The following RSRP1 variants were observed in gnomAD, a reference collection of about 807,000 sequenced individuals.
RSRP1 encodes arginine and serine rich protein 1.
RSRP1 carries 37 observed loss-of-function variants against 33.0 expected under a neutral mutation model. The observed-to-expected ratio is 1.12, with a 90% confidence interval of 0.86 to 1.48. RSRP1 has a LOEUF of 1.48. Ranked by LOEUF, RSRP1 falls within the 40% of genes most tolerant of loss-of-function variation. The pLI, the probability that RSRP1 is intolerant of heterozygous loss-of-function variation, is 0.00. For missense variants in RSRP1, 402 were observed against 385.3 expected (o/e 1.04, Z -0.36); for synonymous variants, 167 against 158.7 (o/e 1.05, Z -0.40).
intron 1 of RSRP1, among the ~76,000 whole-genome samples, chr1:25,268,452 G>A (rs1320093254): frequency 1.5e-5 from 2 of 131,030 alleles, no homozygotes; most frequent in Non-Finnish European, 3.6e-5. Context: ...CTAAAAGGCA[G>A]AAGTTGCAAT....
At chr1:25,337,359 G>A (rs1396318659) in intron 1 of RSRP1, 1 of 151,132 alleles carries the variant, frequency 6.6e-6, no homozygotes. Context: ...CTCCCTCTCC[G>A]GGGCTGGATC....
chr1:25,334,863 A>G (rs1645059832), intron 1 of RSRP1, among the ~76,000 whole-genome samples: 1 of 130,982 alleles, frequency 7.6e-6, no homozygotes, highest in Non-Finnish European at 1.8e-5. Context: ...GGCTGCACAC[A>G]GCATGAGGAC....
At chr1:25,304,536 T>G (rs1643645356) in intron 1 of RSRP1, 1 of 128,376 alleles carries the variant, frequency 7.8e-6, no homozygotes, top group Admixed American at 7.5e-5. Flanking sequence ...AGACAGAGCT[T>G]GCAGTGAGCT....
rs1410663095 is a variant in RSRP1 at position 25,304,539 on chromosome 1, A to G, written c.-67+33439T>C. ...CTTGAACCTGGGAGACAGAGCTTGC[A>G]GTGAGCTGAAATCGTGCCATGGCAC... On this transcript the variant is annotated intron_variant, in intron 1 of 1. Transcript: ENST00000561867. The G allele has an allele frequency of 1.5e-5, 2 of 129,182 alleles. 1 individual carries two copies. The highest frequency in any genetic ancestry group is 1.5e-4 in the Admixed American group (2 of 13,362). The allele number at this position is 129,182 out of a possible 1,614,324, so 8.0% of individuals were successfully genotyped here.
chr1:25,303,281 C>G (rs1289764158), intron 1 of RSRP1: 1 of 1,227,258 alleles, frequency 8.1e-7, no homozygotes, highest in East Asian at 2.3e-5. Flanking sequence ...GGTGTTCTCT[C>G]TCTACCTTGC....
chr1:25,246,689 C>A lies in RSRP1; in HGVS notation c.275G>T (p.Arg92Leu). 6.2e-7 allele frequency: 1 copy of A among 1,608,194 alleles called. No individual in the cohort carries two copies. The highest frequency in any genetic ancestry group is 1.3e-5 in the African/African-American group (1 of 74,988). The change falls in exon 2 of 5, where the codon CGT (arginine) becomes CTT (leucine). Residue 92 changes from arginine to leucine, a missense_variant. Transcript: ENST00000243189. The stretch of plus-strand genomic sequence containing the variant: ...GAACCCGTAGCGCCTCTCTCGGTAA[C>A]GGCGGCTGCGGGATCGCGACCGGCT... The part of the protein sequence containing the change: ...SRSRSRSRSR[R>L]YRERRYGFTR...
Position 25,292,667 on chromosome 1 carries a change from A to C in RSRP1, c.-67+45311T>G, listed in dbSNP as rs1242680329. Among the ~76,000 whole-genome samples, 4 of 128,502 alleles carry C rather than the reference A, an allele frequency of 3.1e-5. 1 individual carries two copies. Among genetic ancestry groups the C allele is most frequent in the Non-Finnish European group, 7.4e-5 (4 of 54,276 alleles). 84.3% of individuals were successfully genotyped at this position (128,502 alleles called of 152,430 possible). A position where few individuals can be genotyped will look rare whatever the true frequency, so the allele number is the denominator to read the frequency against. On this transcript the variant is annotated intron_variant, in intron 1 of 1. Coordinates refer to the RSRP1 transcript ENST00000561867. Reference sequence around the variant, plus strand: ...TAAGGTTGGGGGAGGGGGGGTAGAGATGTGTATGAAACATCCCAGTGGAGA... The same window carrying C: ...TAAGGTTGGGGGAGGGGGGGTAGAGCTGTGTATGAAACATCCCAGTGGAGA...
At chr1:25,247,157 CGAGCCCTAGAAACCCCGCTCG>C (rs1332348768) in intron 1 of RSRP1, 128 bp from the exon 2 acceptor site, 8 of 587,366 alleles carry the variant, frequency 1.4e-5, no homozygotes, top group Non-Finnish European at 2.8e-6. Flanking sequence ...CGACAGGAAC[CGAGCCCTAGAAACCCCGCTCG>C]GCGCCCTGAG....
At chr1:25,275,722 C>A (rs1424257353) in intron 1 of RSRP1, among the ~76,000 whole-genome samples, 4 of 132,794 alleles carry the variant, frequency 3.0e-5, no homozygotes, top group African/African-American at 1.0e-4. Flanking sequence ...GTGTCAATCT[C>A]CAGGCAGGGT....
upstream of RSRP1, among the ~76,000 whole-genome samples, chr1:25,251,832 A>C (rs1639791310): frequency 6.6e-6 from 1 of 152,088 alleles, no homozygotes; most frequent in Non-Finnish European, 1.5e-5. Flanking sequence ...CAATGTTAAC[A>C]GTTTAACGAG....
chr1:25,319,648 A>G lies in RSRP1; in HGVS notation c.-67+18330T>C, dbSNP rs1285054954. Among the ~76,000 whole-genome samples, 12 of 132,308 alleles carry G rather than the reference A, an allele frequency of 9.1e-5. 5 individuals carry two copies. Among genetic ancestry groups the G allele is most frequent in the African/African-American group, 1.5e-4 (6 of 38,838 alleles). 86.8% of individuals were successfully genotyped at this position (132,308 alleles called of 152,430 possible). ...AACAACTTGGACAATGGAAGGGGGA[A>G]AAAGTTCCTCAAGCAGCCAAAATTG... On this transcript the variant is annotated intron_variant, in intron 1 of 1. Coordinates refer to the RSRP1 transcript ENST00000561867.
rs1219736748 is a variant in RSRP1 at position 25,331,310 on chromosome 1, C to T, written c.-67+6668G>A. 2.3e-5 allele frequency among the ~76,000 whole-genome samples: 3 copies of T among 130,894 alleles called. 1 individual carries two copies. The highest frequency in any genetic ancestry group is 1.5e-4 in the Admixed American group (2 of 13,346). 85.9% of individuals were successfully genotyped at this position (130,894 alleles called of 152,430 possible). A position where few individuals can be genotyped will look rare whatever the true frequency, so the allele number is the denominator to read the frequency against. On this transcript the variant is annotated intron_variant, in intron 1 of 1. Coordinates refer to the RSRP1 transcript ENST00000561867. ...ACACCAGTCCTATTAGATTAGGGCT[C>T]CACCCTCATAACCTCATTTGACCTT...
In RSRP1 at chr1:25,318,919, C is replaced by CA. The variant is rs201853263; in HGVS notation, c.-67+19058dup. ...ATTGGCTAGAATTGCTTTAATATAC[C>CA]ATGTCTGGCCTTAGCTTTTTGCAGA... is the stretch of plus-strand genomic sequence containing the variant. On this transcript the variant is annotated intron_variant, in intron 1 of 1. Coordinates refer to the RSRP1 transcript ENST00000561867. Among the ~76,000 whole-genome samples, 142 of 132,522 alleles carry CA rather than the reference C, an allele frequency of 1.1e-3. 16 individuals carry two copies. In the East Asian group the frequency reaches 0.012, roughly 11 times the overall value. 86.9% of individuals were successfully genotyped at this position (132,522 alleles called of 152,430 possible).
intron 1 of RSRP1, among the ~76,000 whole-genome samples, chr1:25,263,392 T>C (rs1475797555): frequency 6.6e-6 from 1 of 151,816 alleles, no homozygotes; most frequent in African/African-American, 2.4e-5. Context: ...CAGTTCCACA[T>C]GGCTGGGGAG....
intron 1 of RSRP1, among the ~76,000 whole-genome samples, chr1:25,278,399 C>T (rs1571580539): frequency 7.7e-6 from 1 of 130,526 alleles, no homozygotes; most frequent in African/African-American, 2.6e-5. Context: ...AACAGCCACC[C>T]CAAACTTAGT....
Position 25,309,389 on chromosome 1 carries a change from CTT to C in RSRP1, c.-67+28587_-67+28588del, listed in dbSNP as rs542488132. On this transcript the variant is annotated intron_variant, in intron 1 of 1. Coordinates refer to the RSRP1 transcript ENST00000561867. The stretch of plus-strand genomic sequence containing the variant: ...ACCCTTCTAGCTCTTGTTAACCACT[CTT>C]TTGAATAGCAGAGAAAACCTCAGAC... 6.5e-4 allele frequency among the ~76,000 whole-genome samples: 86 copies of C among 131,600 alleles called. 5 individuals carry two copies. In the East Asian group the frequency reaches 0.016, roughly 24 times the overall value. The allele number at this position is 131,600 out of a possible 152,430, so 86.3% of individuals were successfully genotyped here.
chr1:25,310,484 A>G (rs1225928631), intron 1 of RSRP1, among the ~76,000 whole-genome samples: 3 of 131,706 alleles, frequency 2.3e-5, no homozygotes, highest in African/African-American at 5.1e-5. Context: ...AAATCAATTT[A>G]TTTTCTTTAT....
intron 1 of RSRP1, among the ~76,000 whole-genome samples, chr1:25,279,031 A>T (rs536962205): frequency 7.7e-6 from 1 of 129,144 alleles, no homozygotes; most frequent in East Asian, 2.0e-4. Flanking sequence ...GCAGGCCAGA[A>T]GGAGGGGCAA....
chr1:25,284,861 A>G (rs1438518676), intron 1 of RSRP1: 7 of 1,170,522 alleles, frequency 6.0e-6, no homozygotes, highest in Non-Finnish European at 7.5e-6. Flanking sequence ...TCTGTCTAGC[A>G]CCAGTGCTGT....
Sources: gnomAD v4.1 joint callset for allele counts (sites outside exome capture counted in the v4.1 genomes callset) on GRCh38, gnomAD v4.1.1 for gene constraint, MANE v1.5 for transcripts, NCBI Gene and HGNC (gene_info 2026-07-23, HGNC 2026-07-21) for gene names.